Variants in PMP22 observed in about 807,000 individuals in gnomAD.
PMP22 encodes Charcot-Marie-Tooth neuropathy 1A (greatly reduced nerve conduction velocity, hereditary motor sensory neuropathy Ia).
A neutral mutation model predicts 18.9 loss-of-function variants in PMP22; 2 were observed. That is an observed-to-expected ratio of 0.11 (90% CI 0.04 to 0.33). PMP22 has a LOEUF of 0.33. Among genes scored for constraint, PMP22 ranks in the 10% least tolerant of loss-of-function variants. PMP22 has a pLI of 1.00. For synonymous variants in PMP22, 95 were observed against 89.2 expected (o/e 1.07, Z -0.37); for missense variants, 169 against 202.2 (o/e 0.84, Z 1.00).
In PMP22 at chr17:15,230,541, G is replaced by A. The variant is rs575964802; in HGVS notation, c.*376C>T. ...TTCTTTCAGATGAAAGGGAAGGGGC[G>A]AGATGGAGTTATCTTATTTCTGGGT... On this transcript the variant is annotated 3_prime_UTR_variant, in exon 5 of 5. Coordinates refer to ENST00000312280, the MANE Select transcript of PMP22 (RefSeq NM_000304.4). The A allele has an allele frequency of 1.6e-4, 37 of 235,426 alleles. No individual in the cohort carries two copies. In the South Asian group the frequency reaches 1.8e-3, roughly 12 times the overall value. The allele number at this position is 235,426 out of a possible 1,614,324, so 14.6% of individuals were successfully genotyped here.
intron 1 of PMP22, among the ~76,000 whole-genome samples, chr17:15,263,581 G>GCTCACA (rs1252164081): frequency 1.1e-5 from 1 of 87,312 alleles, no homozygotes; most frequent in African/African-American, 7.1e-5. Context: ...ACGCACGCGC[G>GCTCACA]CGCACACACA....
intron 3 of PMP22, among the ~76,000 whole-genome samples, chr17:15,241,067 G>T (rs1160095168): frequency 1.3e-5 from 2 of 152,200 alleles, no homozygotes; most frequent in Non-Finnish European, 2.9e-5. Flanking sequence ...CACTGAAAGA[G>T]ATTTCCAGAG....
chr17:15,257,442 C>T (rs956192999), intron 3 of PMP22, among the ~76,000 whole-genome samples: 1 of 152,206 alleles, frequency 6.6e-6, no homozygotes, highest in African/African-American at 2.4e-5. Flanking sequence ...TGCCAAGCCG[C>T]GTGGCCAGAT....
At chr17:15,255,203 A>C (rs1349729769) in intron 3 of PMP22, among the ~76,000 whole-genome samples, 2 of 152,196 alleles carry the variant, frequency 1.3e-5, no homozygotes, top group African/African-American at 4.8e-5. Flanking sequence ...GGGGATGGTC[A>C]AACCCTCAAG....
chr17:15,247,284 G>C (rs8082314), intron 3 of PMP22, among the ~76,000 whole-genome samples: 1 of 151,336 alleles, frequency 6.6e-6, no homozygotes, highest in Non-Finnish European at 1.5e-5. Context: ...CAGGAGAATG[G>C]TGTGAACCCG....
At chr17:15,247,002 G>A (rs1046860372) in intron 3 of PMP22, among the ~76,000 whole-genome samples, 4 of 148,606 alleles carry the variant, frequency 2.7e-5, no homozygotes, top group African/African-American at 7.5e-5. Context: ...CCCGGAAGGC[G>A]GAGACTGCAG....
chr17:15,265,253 C>G lies in PMP22; in HGVS notation c.-134G>C, dbSNP rs754758124. 6.6e-6 allele frequency: 1 copy of G among 152,122 alleles called. No homozygotes were observed. Among genetic ancestry groups the G allele is most frequent in the African/African-American group, 2.4e-5 (1 of 41,412 alleles). 9.4% of individuals were successfully genotyped at this position (152,122 alleles called of 1,614,324 possible). A position where few individuals can be genotyped will look rare whatever the true frequency, so the allele number is the denominator to read the frequency against. On this transcript the variant is annotated 5_prime_UTR_variant, in exon 1 of 5. Transcript: ENST00000312280. ...CCTCCCCACAGGGCAGTCAGAGACC[C>G]GCAGCCGACAGACTAAGCCTGCAGC...
intron 2 of PMP22, 101 bp from the exon 3 acceptor site, chr17:15,259,294 C>CT: frequency 1.2e-6 from 1 of 854,820 alleles, no homozygotes; most frequent in Non-Finnish European, 2.0e-6. Context: ...CACCCGCATC[C>CT]ACCTAGCCAC....
chr17:15,245,878 T>A (rs1487730192), intron 3 of PMP22, among the ~76,000 whole-genome samples: 1 of 151,074 alleles, frequency 6.6e-6, no homozygotes, highest in African/African-American at 2.4e-5. Flanking sequence ...CCGGGCGTGG[T>A]GGCGGGCGCC....
At position 15,261,870 on chromosome 17, in the gene PMP22, C is replaced by CT. The variant is rs1909371537; in HGVS notation, c.-34-1110_-34-1109insA. Reference sequence around the variant, plus strand: ...AAAGATCTGGCTGAGACTCTGGGGACCATTTTAGGCAGAGTCTTGGGCCAG... The same window carrying CT: ...AAAGATCTGGCTGAGACTCTGGGGACTCATTTTAGGCAGAGTCTTGGGCCAG... On this transcript the variant is annotated intron_variant, in intron 1 of 4. Transcript: ENST00000312280. This position sits in a 1 kb window ranked among gnomAD's most constrained non-coding sequence, Gnocchi z 5.2. The CT allele has an allele frequency of 6.6e-6, 1 of 152,198 alleles. No individual in the cohort carries two copies. The highest frequency in any genetic ancestry group is 2.4e-5 in the African/African-American group (1 of 41,446). 9.4% of individuals were successfully genotyped at this position (152,198 alleles called of 1,614,324 possible).
chr17:15,260,401 G>A, intron 2 of PMP22: 1 of 572,590 alleles, frequency 1.7e-6, no homozygotes, highest in Non-Finnish European at 3.1e-6. Flanking sequence ...GATCGGCTCT[G>A]AAGTTACTTG....
chr17:15,264,865 A>G (rs1909606294), intron 1 of PMP22, among the ~76,000 whole-genome samples: 1 of 152,234 alleles, frequency 6.6e-6, no homozygotes, highest in Non-Finnish European at 1.5e-5. Flanking sequence ...GTGCACAGCT[A>G]TTTTCCATGG....
chr17:15,259,562 C>A (rs1909130629), intron 2 of PMP22, among the ~76,000 whole-genome samples: 1 of 152,064 alleles, frequency 6.6e-6, no homozygotes, highest in Non-Finnish European at 1.5e-5. Flanking sequence ...CATCACCAGG[C>A]ACAATGGAGA....
At chr17:15,237,439 A>G (rs1302115963) in intron 4 of PMP22, among the ~76,000 whole-genome samples, 1 of 152,238 alleles carries the variant, frequency 6.6e-6, no homozygotes, top group Non-Finnish European at 1.5e-5. Context: ...TCTCAGCTCC[A>G]TATTTTCAAT....
Position 15,230,625 on chromosome 17 carries a change from G to C in PMP22, c.*292C>G. On this transcript the variant is annotated 3_prime_UTR_variant, in exon 5 of 5. Coordinates refer to ENST00000312280, the MANE Select transcript of PMP22 (RefSeq NM_000304.4). ...AATACTGAGCTGGATTATACTGTTA[G>C]GATGTAAAGTTCCTTAGCTACTTCT... 2.3e-6 allele frequency: 1 copy of C among 436,694 alleles called. No homozygotes were observed. Among genetic ancestry groups the C allele is most frequent in the Admixed American group, 3.5e-5 (1 of 28,480 alleles). The allele number at this position is 436,694 out of a possible 1,614,324, so 27.1% of individuals were successfully genotyped here. A position where few individuals can be genotyped will look rare whatever the true frequency, so the allele number is the denominator to read the frequency against.
chr17:15,247,285 T>C (rs1209574996), intron 3 of PMP22, among the ~76,000 whole-genome samples: 2 of 150,548 alleles, frequency 1.3e-5, no homozygotes, highest in African/African-American at 4.9e-5. Context: ...AGGAGAATGG[T>C]GTGAACCCGG....
rs1487418732 is a variant in PMP22, at chr17:15,230,915, C to T, written c.*2G>A. 8 of 1,613,768 alleles carry T rather than the reference C, an allele frequency of 5.0e-6. No homozygotes were observed. The highest frequency in any genetic ancestry group is 2.7e-5 in the African/African-American group (2 of 74,914). On this transcript the variant is annotated 3_prime_UTR_variant, in exon 5 of 5. Coordinates refer to ENST00000312280, the MANE Select transcript of PMP22 (RefSeq NM_000304.4). ...GAGCCTCAGACAGACCGTCTGGGCG[C>T]CTCATTCGCGTTTCCGCAAGATCAC...
chr17:15,253,143 C>A lies in PMP22; in HGVS notation c.178+5951G>T, dbSNP rs1278375915. On this transcript the variant is annotated intron_variant, in intron 3 of 4. Coordinates refer to ENST00000312280, the MANE Select transcript of PMP22 (RefSeq NM_000304.4). The stretch of plus-strand genomic sequence containing the variant: ...GGAGGAGGCTTGGCACACCCCTCCC[C>A]CTCACCAGAGCCTTCCAGATTGTAT... Among the ~76,000 whole-genome samples, 4 of 152,292 alleles carry A rather than the reference C, an allele frequency of 2.6e-5. No homozygotes were observed. The South Asian group carries it at 6.2e-4, about 24-fold the overall frequency.
At chr17:15,231,151 G>T in intron 4 of PMP22, 71 bp from the exon 5 acceptor site, 1 of 1,460,090 alleles carries the variant, frequency 6.8e-7, no homozygotes, top group Non-Finnish European at 9.6e-7. Flanking sequence ...CGCCACCCCG[G>T]ATGCTGACAA....
Sources: gnomAD v4.1 joint callset for allele counts (sites outside exome capture counted in the v4.1 genomes callset) on GRCh38, gnomAD v4.1.1 for gene constraint, Gnocchi (gnomAD v3.1) non-coding constraint, MANE v1.5 for transcripts, NCBI Gene and HGNC (gene_info 2026-07-23, HGNC 2026-07-21) for gene names.